Variants in SPAM1 observed in about 807,000 individuals in gnomAD.
SPAM1 encodes sperm adhesion molecule 1.
A neutral mutation model predicts 29.6 loss-of-function variants in SPAM1; 22 were observed. The observed-to-expected ratio is 0.74, with a 90% CI of 0.53 to 1.06. The LOEUF (loss-of-function observed/expected upper bound fraction) is 1.06. Among genes scored for constraint, SPAM1 ranks in the 50% least tolerant of loss-of-function variants. The pLI, the probability that SPAM1 is intolerant of heterozygous loss-of-function variation, is 0.00. For synonymous variants in SPAM1, 194 were observed against 204.6 expected (o/e 0.95, Z 0.44); for missense variants, 534 against 604.0 (o/e 0.88, Z 1.21).
Position 123,954,386 on chromosome 7 carries a change from AGCT to A in SPAM1, c.820_822del (p.Ala274del). 1 of 1,613,516 alleles carries A rather than the reference AGCT, an allele frequency of 6.2e-7. No individual in the cohort carries two copies. Among genetic ancestry groups the A allele is most frequent in the Non-Finnish European group, 8.5e-7 (1 of 1,179,626 alleles). ...ATTTGAACACTCAGCAGTCTCCTGT[AGCT>A]GCTACACTCTATGTGCGCAATCGAG... On this transcript the variant is annotated inframe_deletion, in exon 3 of 5. Transcript: ENST00000682466.
At chr7:123,940,002 T>C (rs1808379571) in intron 1 of SPAM1, among the ~76,000 whole-genome samples, 1 of 152,228 alleles carries the variant, frequency 6.6e-6, no homozygotes, top group Admixed American at 6.5e-5. Flanking sequence ...GTTTTTGGAA[T>C]TGAGCCCAGT....
intron 1 of SPAM1, among the ~76,000 whole-genome samples, chr7:123,941,096 C>G (rs1245736425): frequency 6.6e-6 from 1 of 152,172 alleles, no homozygotes; most frequent in Non-Finnish European, 1.5e-5. Context: ...TTGGGAACTG[C>G]TCTTGAAGGA....
At chr7:123,961,070 C>T (rs1399649041), downstream of SPAM1, among the ~76,000 whole-genome samples, 1 of 151,372 alleles carries the variant, frequency 6.6e-6, no homozygotes, top group Non-Finnish European at 1.5e-5. Flanking sequence ...ACTAATTGTA[C>T]ATATTTATGG....
chr7:123,938,087 C>CTTTTTTTTTTTTTTTTTTTTTTTTTTTTT (rs112674188), intron 1 of SPAM1, among the ~76,000 whole-genome samples: 1 of 137,098 alleles, frequency 7.3e-6, no homozygotes, highest in Non-Finnish European at 1.6e-5. Flanking sequence ...ACAAAATGTG[C>CTTTTTTTTTTTTTTTTTTTTTTTTTTTTT]TTTTTTTTTT....
intron 1 of SPAM1, among the ~76,000 whole-genome samples, chr7:123,947,139 TAAAGGA>T (rs1808601528): frequency 6.6e-6 from 1 of 152,210 alleles, no homozygotes; most frequent in South Asian, 2.1e-4. Context: ...TGTTAATTTT[TAAAGGA>T]GAAATTATTT....
chr7:123,960,367 G>A (rs893167367), downstream of SPAM1, among the ~76,000 whole-genome samples: 2 of 151,932 alleles, frequency 1.3e-5, no homozygotes, highest in Admixed American at 6.6e-5. Flanking sequence ...TTCAATACAA[G>A]CCATCAGTAA....
intron 1 of SPAM1, among the ~76,000 whole-genome samples, chr7:123,941,071 A>G (rs1439382459): frequency 1.3e-5 from 2 of 152,220 alleles, no homozygotes; most frequent in Non-Finnish European, 2.9e-5. Context: ...AAGAGTAATT[A>G]AATAAAATTT....
intron 1 of SPAM1, among the ~76,000 whole-genome samples, chr7:123,946,436 T>C (rs1016841706): frequency 1.4e-4 from 21 of 152,224 alleles, no homozygotes; most frequent in Admixed American, 7.2e-4. Flanking sequence ...GTCCCTTCCA[T>C]TGGTCACCAA....
downstream of SPAM1, among the ~76,000 whole-genome samples, chr7:123,965,030 A>G (rs1451352190): frequency 6.6e-6 from 1 of 151,980 alleles, no homozygotes; most frequent in Non-Finnish European, 1.5e-5. Context: ...TTATACAACA[A>G]TCATATGCTT....
intron 1 of SPAM1, among the ~76,000 whole-genome samples, chr7:123,937,398 G>A (rs903786437): frequency 2.6e-5 from 4 of 151,934 alleles, no homozygotes; most frequent in Admixed American, 6.6e-5. Flanking sequence ...TCAGGAGATC[G>A]AGACCATCCT....
chr7:123,945,254 T>A (rs1808542012), intron 1 of SPAM1, among the ~76,000 whole-genome samples: 1 of 152,310 alleles, frequency 6.6e-6, no homozygotes, highest in South Asian at 2.1e-4. Context: ...TAAAAAAGTT[T>A]GAATTAGACA....
exon 6 of SPAM1, chr7:123,970,260 GA>G (rs1792480519): frequency 6.5e-7 from 1 of 1,547,526 alleles, no homozygotes; most frequent in Non-Finnish European, 8.7e-7. Context: ...AGTCATGAGG[GA>G]AAAATGTGTT....
At chr7:123,966,748 C>A (rs574993976) in intron 5 of SPAM1, among the ~76,000 whole-genome samples, 1 of 152,018 alleles carries the variant, frequency 6.6e-6, no homozygotes, top group South Asian at 2.1e-4. Context: ...GGAAAAACAA[C>A]ACACACTGGG....
At chr7:123,953,033 G>C (rs1218181477) in intron 2 of SPAM1, among the ~76,000 whole-genome samples, 1 of 152,062 alleles carries the variant, frequency 6.6e-6, no homozygotes, top group African/African-American at 2.4e-5. Context: ...AGAATGAGAG[G>C]ATCAACTTGG....
At chr7:123,968,598 AT>A (rs1002070568) in intron 5 of SPAM1, among the ~76,000 whole-genome samples, 7 of 150,124 alleles carry the variant, frequency 4.7e-5, no homozygotes, top group East Asian at 3.9e-4. Flanking sequence ...TATCTTGACA[AT>A]TTTTTTTTTC....
chr7:123,966,485 G>C (rs1434549990), intron 5 of SPAM1, among the ~76,000 whole-genome samples: 1 of 152,006 alleles, frequency 6.6e-6, no homozygotes, highest in Non-Finnish European at 1.5e-5. Flanking sequence ...GTTCATTGCA[G>C]CCTTATTCAC....
chr7:123,934,906 C>T (rs1808206620), intron 1 of SPAM1, among the ~76,000 whole-genome samples: 1 of 152,016 alleles, frequency 6.6e-6, no homozygotes, highest in Non-Finnish European at 1.5e-5. Flanking sequence ...GAATAAGTTC[C>T]AGTGTTTTAT....
chr7:123,952,277 A>G (rs192282416), intron 2 of SPAM1, among the ~76,000 whole-genome samples: 9 of 152,230 alleles, frequency 5.9e-5, no homozygotes, highest in African/African-American at 2.2e-4. Flanking sequence ...TATTCTGACT[A>G]TGGTGATCTC....
intron 1 of SPAM1, among the ~76,000 whole-genome samples, chr7:123,927,884 G>A (rs2117013173): frequency 6.6e-6 from 1 of 152,196 alleles, no homozygotes; most frequent in Non-Finnish European, 1.5e-5. Flanking sequence ...GATAAATTTT[G>A]AGTCCCAGAG....
Sources: gnomAD v4.1 joint callset for allele counts (sites outside exome capture counted in the v4.1 genomes callset) on GRCh38, gnomAD v4.1.1 for gene constraint, MANE v1.5 for transcripts, NCBI Gene and HGNC (gene_info 2026-07-23, HGNC 2026-07-21) for gene names.